Variants in MTF1 observed in about 807,000 individuals in gnomAD.
MTF1 encodes the protein MRE-binding transcription factor.
A neutral mutation model predicts 70.4 loss-of-function variants in MTF1; 22 were observed. That is an observed-to-expected ratio of 0.31 (90% CI 0.22 to 0.45). The LOEUF (loss-of-function observed/expected upper bound fraction) is 0.45, where lower values mean the gene tolerates loss of function less well. Among genes scored for constraint, MTF1 ranks in the 20% least tolerant of loss-of-function variants. The pLI is 1.00. For missense variants in MTF1, 649 were observed against 922.0 expected (o/e 0.70, Z 3.83); for synonymous variants, 333 against 352.8 (o/e 0.94, Z 0.63).
Position 37,835,169 on chromosome 1 carries a change from G to C in MTF1, c.900C>G (p.Phe300Leu). Reference sequence around the variant, plus strand: ...GACTTTTGAGACTGTATTGAGTGCTGAATGTTTTCTCACAGCCATTACTGG... The same window carrying C: ...GACTTTTGAGACTGTATTGAGTGCTCAATGTTTTCTCACAGCCATTACTGG... Reference protein sequence around the residue: ...FCPSNGCEKTFSTQYSLKSHM... With the variant: ...FCPSNGCEKTLSTQYSLKSHM... Residue 300 changes from phenylalanine to leucine, a missense_variant, in exon 6 of 11, where the codon TTC (phenylalanine) becomes TTG (leucine). Physicochemically the swap from Phe to Leu is conservative, Grantham distance 22. Around this residue, in one of 7 missense-constraint regions of MTF1, gnomAD observed 118 missense variants for 287.2 expected, o/e 0.41. Coordinates refer to ENST00000373036, the MANE Select transcript of MTF1 (RefSeq NM_005955.3). 1 of 1,613,464 alleles carries C rather than the reference G, an allele frequency of 6.2e-7. No homozygotes were observed. Among genetic ancestry groups the C allele is most frequent in the Non-Finnish European group, 8.5e-7 (1 of 1,179,424 alleles).
rs182052804 is a variant in MTF1 at position 37,837,242 on chromosome 1, G to A, written c.779+1383C>T. ...CTCCCAACTAATTTTAAAATTTTCT[G>A]TAGAGTCAGGGTCTCACTTGCCCAA... On this transcript the variant is annotated intron_variant, in intron 4 of 10. Transcript: ENST00000373036. Among the ~76,000 whole-genome samples, 7 of 151,956 alleles carry A rather than the reference G, an allele frequency of 4.6e-5. No individual in the cohort carries two copies. In the East Asian group the frequency reaches 1.4e-3, roughly 29 times the overall value.
In MTF1 at chr1:37,817,396, A is replaced by C. The variant is rs1640836999; in HGVS notation, c.1831+23T>G. The stretch of plus-strand genomic sequence containing the variant: ...GGGACCCACAGAGTTGCCTTCTCTT[A>C]AGGCTAACATGGAATTACATACCTG... On this transcript the variant is annotated intron_variant, in intron 10 of 10. Transcript: ENST00000373036. 15 of 1,533,422 alleles carry C rather than the reference A, an allele frequency of 9.8e-6. No homozygotes were observed. In the East Asian group the frequency reaches 3.4e-4, roughly 34 times the overall value. 95.0% of individuals were successfully genotyped at this position (1,533,422 alleles called of 1,614,324 possible).
Position 37,815,169 on chromosome 1 carries a change from C to T in MTF1, c.2229G>A (p.Glu743=). 1.9e-6 allele frequency: 3 copies of T among 1,614,174 alleles called. No homozygotes were observed. Among genetic ancestry groups the T allele is most frequent in the Non-Finnish European group, 2.5e-6 (3 of 1,180,032 alleles). Residue 743 remains glutamate, a synonymous_variant, in exon 11 of 11, where the codon GAG becomes GAA. Transcript: ENST00000373036. This position sits in a 1 kb window ranked among gnomAD's most constrained non-coding sequence, Gnocchi z 4.5. ...IPIEALLQGE[E]EMGLTSSFSK is the part of the protein sequence containing the mutation. ...AGAAGCTGCTGGTGAGGCCCATCTC[C>T]TCCTCCCCCTGCAGTAGTGCTTCAA...
rs1197338295 is a variant in MTF1 at position 37,823,831 on chromosome 1, G to A, written c.1069-19C>T. The A allele has an allele frequency of 1.3e-6, 2 of 1,581,012 alleles. No homozygotes were observed. The highest frequency in any genetic ancestry group is 1.7e-5 in the Admixed American group (1 of 59,776). On this transcript the variant is annotated intron_variant, in intron 7 of 10. Coordinates refer to ENST00000373036, the MANE Select transcript of MTF1 (RefSeq NM_005955.3). ...CCTGGGTCTGATGGAGAGAGACAAAGATGTGAGATTGGCCATCTTGAGACA... is the reference window on the plus strand; with the variant it reads ...CCTGGGTCTGATGGAGAGAGACAAAAATGTGAGATTGGCCATCTTGAGACA...
Position 37,814,939 on chromosome 1 carries a change from GTTTT to G in MTF1, c.*193_*196del. ...CTTAGCTTTTTTTGTTGTTTTTTTT[GTTTT>G]TTGTTTTTTTCCAAAGAATAGTTCC... On this transcript the variant is annotated 3_prime_UTR_variant, in exon 11 of 11. Coordinates refer to ENST00000373036, the MANE Select transcript of MTF1 (RefSeq NM_005955.3). 3.6e-6 allele frequency: 2 copies of G among 558,780 alleles called. No homozygotes were observed. The highest frequency in any genetic ancestry group is 6.2e-6 in the Non-Finnish European group (2 of 321,454). The allele number at this position is 558,780 out of a possible 1,614,324, so 34.6% of individuals were successfully genotyped here. A position where few individuals can be genotyped will look rare whatever the true frequency, so the allele number is the denominator to read the frequency against.
At chr1:37,816,886 G>C (rs549376121) in intron 10 of MTF1, among the ~76,000 whole-genome samples, 1 of 152,204 alleles carries the variant, frequency 6.6e-6, no homozygotes, top group East Asian at 1.9e-4. Context: ...AAAGGCCAGT[G>C]GGCAGGAGAA....
intron 2 of MTF1, among the ~76,000 whole-genome samples, chr1:37,842,754 G>C (rs1322399976): frequency 6.6e-6 from 1 of 151,860 alleles, no homozygotes; most frequent in Admixed American, 6.6e-5. Flanking sequence ...GAGAAACCAA[G>C]AACAATGATG....
chr1:37,857,605 A>G lies in MTF1; in HGVS notation c.54T>C (p.Asp18=), dbSNP rs1641518135. ...GCATTTTATCATCGGGGGTCAGCTC[A>G]TCTTCCTCTGCCTCAAAGTAGATGA... ...NNIIYFEAEE[D]ELTPDDKMLR... The change falls in exon 2 of 11, where the codon GAT becomes GAC. Residue 18 remains aspartate (D), a synonymous_variant. Coordinates refer to ENST00000373036, the MANE Select transcript of MTF1 (RefSeq NM_005955.3). 1 of 1,613,940 alleles carries G rather than the reference A, an allele frequency of 6.2e-7. No homozygotes were observed. Among genetic ancestry groups the G allele is most frequent in the South Asian group, 1.1e-5 (1 of 91,088 alleles).
intron 3 of MTF1, among the ~76,000 whole-genome samples, chr1:37,839,206 A>G (rs747515481): frequency 7.9e-5 from 12 of 152,156 alleles, no homozygotes; most frequent in Non-Finnish European, 1.3e-4. Context: ...AGTATCCAAC[A>G]TATTTTGCCC....
chr1:37,822,414 G>A lies in MTF1; in HGVS notation c.1474C>T (p.Pro492Ser). 1 of 1,614,202 alleles carries A rather than the reference G, an allele frequency of 6.2e-7. No homozygotes were observed. Among genetic ancestry groups the A allele is most frequent in the Non-Finnish European group, 8.5e-7 (1 of 1,180,034 alleles). ...HQEFLPHPQA[P>S]QPIVPGLSVV... is the part of the protein sequence containing the mutation. ...GAAAGTCCTGGTACAATGGGCTGCG[G>A]TGCCTGGGGGTGCGGAAGAAACTCT... The change falls in exon 9 of 11, where the codon CCG becomes TCG. Residue 492 changes from proline to serine, a missense_variant. Pro to Ser is a moderately conservative substitution (Grantham distance 74). Coordinates refer to ENST00000373036, the MANE Select transcript of MTF1 (RefSeq NM_005955.3).
At chr1:37,842,476 G>A (rs907486432) in intron 2 of MTF1, among the ~76,000 whole-genome samples, 4 of 152,018 alleles carry the variant, frequency 2.6e-5, no homozygotes, top group Admixed American at 1.3e-4. Flanking sequence ...TTGACTATTC[G>A]CAAACATGTC....
intron 7 of MTF1, among the ~76,000 whole-genome samples, chr1:37,824,306 C>T (rs939479138): frequency 6.6e-6 from 1 of 152,150 alleles, no homozygotes; most frequent in African/African-American, 2.4e-5. Flanking sequence ...GTGACAGAGA[C>T]CATGGAATCA....
At chr1:37,845,970 A>G (rs986429453) in intron 2 of MTF1, among the ~76,000 whole-genome samples, 3 of 152,188 alleles carry the variant, frequency 2.0e-5, no homozygotes, top group African/African-American at 4.8e-5. Context: ...ATAGCACAAA[A>G]TTTCACAAAA....
chr1:37,827,221 G>A lies in MTF1; in HGVS notation c.1069-3409C>T, dbSNP rs182649447. Among the ~76,000 whole-genome samples the A allele has an allele frequency of 4.1e-3, 621 of 151,914 alleles. 3 individuals carry two copies. Among genetic ancestry groups the A allele is most frequent in the Non-Finnish European group, 6.3e-3 (427 of 67,960 alleles). ...TTTTTTCTATTCTATTGATGTCTTTGAAATGCTGATTATAAACCACTATTT... is the reference window on the plus strand; with the variant it reads ...TTTTTTCTATTCTATTGATGTCTTTAAAATGCTGATTATAAACCACTATTT... On this transcript the variant is annotated intron_variant, in intron 7 of 10. Coordinates refer to ENST00000373036, the MANE Select transcript of MTF1 (RefSeq NM_005955.3).
chr1:37,853,458 G>A (rs924392981), intron 2 of MTF1, among the ~76,000 whole-genome samples: 5 of 152,090 alleles, frequency 3.3e-5, no homozygotes, highest in Non-Finnish European at 5.9e-5. Context: ...ATTGTCTATG[G>A]CTGCTTTTGT....
At chr1:37,859,429 A>G in intron 1 of MTF1, 102 bp downstream of exon 1, 1 of 398,474 alleles carries the variant, frequency 2.5e-6, no homozygotes, top group Non-Finnish European at 4.4e-6. Flanking sequence ...CCCTATGGTG[A>G]CCAAACTGAG....
At chr1:37,817,115 G>T (rs1475776273) in intron 10 of MTF1, among the ~76,000 whole-genome samples, 1 of 152,160 alleles carries the variant, frequency 6.6e-6, no homozygotes, top group Non-Finnish European at 1.5e-5. Flanking sequence ...ATTAACAACT[G>T]CCCTCTTTAG....
Position 37,813,895 on chromosome 1 carries a change from C to G in MTF1, c.*1241G>C, listed in dbSNP as rs1408229483. 2 of 152,590 alleles carry G rather than the reference C, an allele frequency of 1.3e-5. No homozygotes were observed. The highest frequency in any genetic ancestry group is 2.9e-5 in the Non-Finnish European group (2 of 68,044). 9.5% of individuals were successfully genotyped at this position (152,590 alleles called of 1,614,324 possible). ...CTATAACACAACTTAATGAAACATTCCAAATGAGATAACTTATTGCAACAT... is the reference window on the plus strand; with the variant it reads ...CTATAACACAACTTAATGAAACATTGCAAATGAGATAACTTATTGCAACAT... On this transcript the variant is annotated 3_prime_UTR_variant, in exon 11 of 11. Coordinates refer to ENST00000373036, the MANE Select transcript of MTF1 (RefSeq NM_005955.3).
At position 37,859,195 on chromosome 1, in the gene MTF1, A is replaced by G. The variant is rs193130877; in HGVS notation, c.-52+336T>C. ...ACTGTCCGAAACAAACAAGACCAGG[A>G]GGTTTGAGGGTAGCCAACGAGGAGT... On this transcript the variant is annotated intron_variant, in intron 1 of 10. Coordinates refer to ENST00000373036, the MANE Select transcript of MTF1 (RefSeq NM_005955.3). 4.6e-5 allele frequency among the ~76,000 whole-genome samples: 7 copies of G among 152,292 alleles called. No individual in the cohort carries two copies. The East Asian group carries it at 1.4e-3, about 29-fold the overall frequency.
Sources: allele counts gnomAD v4.1 joint callset (sites outside exome capture counted in the v4.1 genomes callset), GRCh38; gene constraint gnomAD v4.1.1; regional missense constraint gnomAD v4.1.1; non-coding constraint Gnocchi (gnomAD v3.1); transcripts MANE v1.5; gene names NCBI Gene and HGNC (gene_info 2026-07-23, HGNC 2026-07-21).